The following E2F6 variants were observed in gnomAD, a reference collection of about 807,000 sequenced individuals.
E2F6 encodes E2F transcription factor 6, also known as transcription factor E2F6.
E2F6 carries 19 observed loss-of-function variants against 31.5 expected under a neutral mutation model. The ratio of observed to expected loss-of-function variants is 0.60; its 90% CI spans 0.42 to 0.89. E2F6 has a LOEUF of 0.89. Among genes scored for constraint, E2F6 ranks in the 40% least tolerant of loss-of-function variants. The pLI, the probability that E2F6 is intolerant of heterozygous loss-of-function variation, is 0.00. For synonymous variants in E2F6, 121 were observed against 127.7 expected (o/e 0.95, Z 0.36); for missense variants, 269 against 341.6 (o/e 0.79, Z 1.67).
Position 11,446,418 on chromosome 2 carries a change from G to GT in E2F6, c.*58dup, listed in dbSNP as rs1423861127. The stretch of plus-strand genomic sequence containing the variant: ...TTGCTCTGAGAATCAAATTTGATGC[G>GT]TAATTCTCCACGAAGATATTCCCAA... On this transcript the variant is annotated 3_prime_UTR_variant, in exon 7 of 7. Transcript: ENST00000381525. 2.3e-6 allele frequency: 3 copies of GT among 1,293,612 alleles called. No homozygotes were observed. Among genetic ancestry groups the GT allele is most frequent in the Non-Finnish European group, 3.4e-6 (3 of 892,706 alleles). The allele number at this position is 1,293,612 out of a possible 1,614,324, so 80.1% of individuals were successfully genotyped here. A position where few individuals can be genotyped will look rare whatever the true frequency, so the allele number is the denominator to read the frequency against.
At chr2:11,462,391 T>C (rs906220715) in intron 1 of E2F6, among the ~76,000 whole-genome samples, 2 of 152,192 alleles carry the variant, frequency 1.3e-5, no homozygotes, top group African/African-American at 4.8e-5. Context: ...TAACAGCTAA[T>C]AATAAAATAC....
chr2:11,458,780 T>C (rs1157786505), intron 1 of E2F6, among the ~76,000 whole-genome samples: 1 of 152,176 alleles, frequency 6.6e-6, no homozygotes, highest in Non-Finnish European at 1.5e-5. Context: ...CACCCCAATA[T>C]GGAATACTCC....
chr2:11,465,051 G>GC (rs1379654024), intron 1 of E2F6, among the ~76,000 whole-genome samples: 1 of 151,926 alleles, frequency 6.6e-6, no homozygotes, highest in Non-Finnish European at 1.5e-5. Context: ...GGTGGCGCAT[G>GC]CCTGTGATCC....
At chr2:11,452,825 T>A (rs1354571697) in intron 3 of E2F6, among the ~76,000 whole-genome samples, 1 of 152,206 alleles carries the variant, frequency 6.6e-6, no homozygotes, top group East Asian at 1.9e-4. Flanking sequence ...TGTTTTTTAG[T>A]GTTATTTAGT....
At chr2:11,447,056 C>G (rs568718611) in intron 6 of E2F6, among the ~76,000 whole-genome samples, 1 of 152,212 alleles carries the variant, frequency 6.6e-6, no homozygotes, top group Non-Finnish European at 1.5e-5. Flanking sequence ...AGGCCGGTCA[C>G]AGGATGCTGG....
chr2:11,455,950 G>A (rs575943200), intron 2 of E2F6, among the ~76,000 whole-genome samples: 12 of 152,280 alleles, frequency 7.9e-5, no homozygotes, highest in African/African-American at 2.6e-4. Context: ...CAGAGGGTGA[G>A]GGGCTGAAGT....
At chr2:11,464,825 G>A (rs375905351) in intron 1 of E2F6, among the ~76,000 whole-genome samples, 1 of 152,242 alleles carries the variant, frequency 6.6e-6, no homozygotes, top group Non-Finnish European at 1.5e-5. Context: ...AATTAAATGA[G>A]GCAATAATCA....
intron 1 of E2F6, among the ~76,000 whole-genome samples, chr2:11,462,600 C>A (rs143641298): frequency 0.01 from 1,551 of 152,244 alleles, 4 homozygotes; most frequent in Middle Eastern, 0.031. Context: ...TGGAAGCATA[C>A]TGGAAGCACT....
intron 5 of E2F6, among the ~76,000 whole-genome samples, chr2:11,448,159 G>C (rs1261676521): frequency 6.6e-6 from 1 of 152,126 alleles, no homozygotes; most frequent in African/African-American, 2.4e-5. Context: ...CCATTCTTTT[G>C]TCCAGTTGAA....
intron 5 of E2F6, 139 bp from the exon 6 acceptor site, chr2:11,447,913 TG>T (rs1337304890): frequency 2.2e-6 from 2 of 925,464 alleles, no homozygotes; most frequent in Non-Finnish European, 1.6e-6. Flanking sequence ...CCAATTCCCA[TG>T]CTGAAGACAG....
At chr2:11,453,370 A>C (rs61016299) in intron 3 of E2F6, among the ~76,000 whole-genome samples, 4 of 152,014 alleles carry the variant, frequency 2.6e-5, no homozygotes, top group East Asian at 1.9e-4. Flanking sequence ...AATTTTCCCA[A>C]TATCAATAAT....
intron 1 of E2F6, among the ~76,000 whole-genome samples, chr2:11,465,388 T>C (rs1195685911): frequency 2.6e-5 from 4 of 151,584 alleles, no homozygotes; most frequent in Non-Finnish European, 1.5e-5. Context: ...GCGTGGGAAA[T>C]ATAAAGCGTG....
chr2:11,451,965 C>T (rs763884204), intron 3 of E2F6, among the ~76,000 whole-genome samples, 159 bp from the exon 4 acceptor site: 8 of 152,184 alleles, frequency 5.3e-5, no homozygotes, highest in Non-Finnish European at 1.0e-4. Context: ...TTCTAGACAG[C>T]CATTATTCCT....
chr2:11,466,067 T>G lies in E2F6; in HGVS notation c.-188A>C. ...CCAGTAAACGCGGCACGGCCTCACG[T>G]GCCCGGGAGCTCCCGACGCAGACGG... is the stretch of plus-strand genomic sequence containing the variant. On this transcript the variant is annotated 5_prime_UTR_variant, in exon 1 of 7. Coordinates refer to ENST00000381525, the MANE Select transcript of E2F6 (RefSeq NM_198256.4). 1.9e-6 allele frequency: 1 copy of G among 529,166 alleles called. No individual in the cohort carries two copies. The highest frequency in any genetic ancestry group is 3.3e-6 in the Non-Finnish European group (1 of 305,936). The allele number at this position is 529,166 out of a possible 1,614,324, so 32.8% of individuals were successfully genotyped here. A position where few individuals can be genotyped will look rare whatever the true frequency, so the allele number is the denominator to read the frequency against.
In E2F6 at chr2:11,446,207, T is replaced by G. The variant is rs1440698147; in HGVS notation, c.*270A>C. ...CTGACTGTCTGTCTTCATGACACTC[T>G]GTGATGAAGCTACTTCAGGAGGCAA... is the stretch of plus-strand genomic sequence containing the variant. On this transcript the variant is annotated 3_prime_UTR_variant, in exon 7 of 7. Coordinates refer to ENST00000381525, the MANE Select transcript of E2F6 (RefSeq NM_198256.4). 5.6e-5 allele frequency: 25 copies of G among 446,162 alleles called. No homozygotes were observed. The highest frequency in any genetic ancestry group is 9.7e-5 in the Non-Finnish European group (24 of 248,184). The allele number at this position is 446,162 out of a possible 1,614,324, so 27.6% of individuals were successfully genotyped here.
intron 4 of E2F6, among the ~76,000 whole-genome samples, chr2:11,450,964 G>T (rs986486222): frequency 6.6e-6 from 1 of 151,990 alleles, no homozygotes; most frequent in African/African-American, 2.4e-5. Context: ...CAAAGACAAG[G>T]CTCCCCCAGC....
chr2:11,465,798 C>A lies in E2F6; in HGVS notation c.82G>T (p.Asp28Tyr). ...TEETVRRRCR[D>Y]PINVEGLLPS... ...AGCAGGCCCTCCACGTTGATGGGGT[C>A]TCGGCACCGACGGCGAACCGTCTCC... Residue 28 changes from aspartate (D) to tyrosine (Y), a missense_variant, in exon 1 of 7, where the codon GAC (aspartate) becomes TAC (tyrosine). Coordinates refer to ENST00000381525, the MANE Select transcript of E2F6 (RefSeq NM_198256.4). The A allele has an allele frequency of 6.2e-7, 1 of 1,600,830 alleles. No homozygotes were observed. The highest frequency in any genetic ancestry group is 8.5e-7 in the Non-Finnish European group (1 of 1,174,636).
At chr2:11,456,594 G>A (rs1005144224) in intron 2 of E2F6, among the ~76,000 whole-genome samples, 3 of 152,144 alleles carry the variant, frequency 2.0e-5, no homozygotes, top group African/African-American at 7.2e-5. Flanking sequence ...GCAGTGCCAG[G>A]CACTGTATGA....
chr2:11,465,471 G>A (rs1372484966), intron 1 of E2F6, among the ~76,000 whole-genome samples: 1 of 152,218 alleles, frequency 6.6e-6, no homozygotes, highest in Non-Finnish European at 1.5e-5. Flanking sequence ...ATAGGTTGCA[G>A]AGATACAGCT....
Sources: allele counts gnomAD v4.1 joint callset (sites outside exome capture counted in the v4.1 genomes callset), GRCh38; gene constraint gnomAD v4.1.1; transcripts MANE v1.5; gene names NCBI Gene and HGNC (gene_info 2026-07-23, HGNC 2026-07-21).